The following ZHX3 variants were observed in gnomAD, a reference collection of about 807,000 sequenced individuals.
ZHX3 encodes the protein zinc fingers and homeoboxes 3.
In ZHX3, 20 loss-of-function variants were observed where a neutral mutation model predicts 64.5. The observed-to-expected ratio is 0.31, with a 90% CI of 0.22 to 0.45. The LOEUF is 0.45. Among genes scored for constraint, ZHX3 ranks in the 20% least tolerant of loss-of-function variants. The pLI is 1.00. For synonymous variants in ZHX3, 423 were observed against 461.6 expected (o/e 0.92, Z 1.07); for missense variants, 1,041 against 1,195.8 (o/e 0.87, Z 1.91).
chr20:41,190,279 A>C (rs1409828692), intron 3 of ZHX3, among the ~76,000 whole-genome samples: 3 of 152,288 alleles, frequency 2.0e-5, no homozygotes, highest in Admixed American at 2.0e-4. Context: ...GGTTCAAGCA[A>C]TTCTCCTGCC....
At chr20:41,308,958 C>T (rs1452882193) in intron 1 of ZHX3, among the ~76,000 whole-genome samples, 7 of 152,310 alleles carry the variant, frequency 4.6e-5, no homozygotes, top group South Asian at 2.1e-4. Flanking sequence ...CAACTTCCTT[C>T]TCAGCCTTTC....
Position 41,255,592 on chromosome 20 carries a change from A to T in ZHX3, c.-151+13398T>A, listed in dbSNP as rs894460107. On this transcript the variant is annotated intron_variant, in intron 2 of 3. Coordinates refer to ENST00000683867, the MANE Select transcript of ZHX3 (RefSeq NM_001384317.1). ...ATCCACTGCACTCTTTATATAGAGAAACAAAGAATTCATAACCATAACCAT... is the reference window on the plus strand; with the variant it reads ...ATCCACTGCACTCTTTATATAGAGATACAAAGAATTCATAACCATAACCAT... 3.9e-5 allele frequency among the ~76,000 whole-genome samples: 6 copies of T among 152,192 alleles called. No individual in the cohort carries two copies. The East Asian group carries it at 7.7e-4, about 19-fold the overall frequency.
intron 1 of ZHX3, among the ~76,000 whole-genome samples, chr20:41,310,671 G>A (rs894828189): frequency 6.8e-6 from 1 of 147,882 alleles, no homozygotes; most frequent in Non-Finnish European, 1.5e-5. Flanking sequence ...TTCTAAAGAT[G>A]GGGAAGAGGT....
intron 2 of ZHX3, among the ~76,000 whole-genome samples, chr20:41,244,844 C>CT (rs2041596306): frequency 6.6e-6 from 1 of 152,106 alleles, no homozygotes; most frequent in Admixed American, 6.5e-5. Context: ...CCATCCTTAC[C>CT]TTCTCGGCCA....
chr20:41,297,785 A>G (rs2044608496), intron 1 of ZHX3, among the ~76,000 whole-genome samples: 1 of 152,184 alleles, frequency 6.6e-6, no homozygotes, highest in African/African-American at 2.4e-5. Flanking sequence ...CAACGGCCAT[A>G]TTTTCTCCCA....
At chr20:41,277,667 C>T (rs1481426977) in intron 1 of ZHX3, among the ~76,000 whole-genome samples, 1 of 150,922 alleles carries the variant, frequency 6.6e-6, no homozygotes, top group East Asian at 2.0e-4. Context: ...TCTCCGCTCA[C>T]TGCAAGCTCC....
chr20:41,217,795 G>A (rs981556861), intron 2 of ZHX3, among the ~76,000 whole-genome samples: 6 of 152,196 alleles, frequency 3.9e-5, no homozygotes, highest in Non-Finnish European at 7.3e-5. Context: ...CAAGAAAGGG[G>A]AGGTGATATG....
intron 2 of ZHX3, among the ~76,000 whole-genome samples, chr20:41,263,457 T>G (rs1206578664): frequency 6.6e-6 from 1 of 151,132 alleles, no homozygotes; most frequent in Non-Finnish European, 1.5e-5. Context: ...TGCAGTGGCG[T>G]GATCTCGGCT....
At chr20:41,264,797 T>C (rs1027470213) in intron 2 of ZHX3, among the ~76,000 whole-genome samples, 1 of 152,172 alleles carries the variant, frequency 6.6e-6, no homozygotes, top group South Asian at 2.1e-4. Flanking sequence ...TTTAAAAGAA[T>C]AGTAAATAGA....
chr20:41,274,270 G>A (rs1412652116), intron 1 of ZHX3, among the ~76,000 whole-genome samples: 3 of 152,196 alleles, frequency 2.0e-5, no homozygotes, highest in Non-Finnish European at 2.9e-5. Flanking sequence ...GAGGAACAGA[G>A]ATGCACGAAG....
intron 2 of ZHX3, among the ~76,000 whole-genome samples, chr20:41,231,999 C>A (rs979107179): frequency 1.3e-5 from 2 of 152,126 alleles, no homozygotes; most frequent in African/African-American, 4.8e-5. Context: ...GTTAAAACAA[C>A]CACATTCCGT....
In ZHX3 at chr20:41,228,734, GA is replaced by G. The variant is rs1246608000; in HGVS notation, c.-150-23669del. Among the ~76,000 whole-genome samples, 1 of 152,164 alleles carries G rather than the reference GA, an allele frequency of 6.6e-6. No individual in the cohort carries two copies. The highest frequency in any genetic ancestry group is 1.5e-5 in the Non-Finnish European group (1 of 68,028). On this transcript the variant is annotated intron_variant, in intron 2 of 3. Transcript: ENST00000683867. The surrounding 1 kb of genome is among the most constrained non-coding windows in gnomAD (Gnocchi z 4.6). ...AAATTTCAACACGTGAATTTTAGGA[GA>G]TACATTCAGTCCACTGCACCATACA...
chr20:41,302,059 A>G (rs1206597833), intron 1 of ZHX3, among the ~76,000 whole-genome samples: 3 of 86,804 alleles, frequency 3.5e-5, no homozygotes, highest in Non-Finnish European at 7.4e-5. Flanking sequence ...ATCTCAAAAA[A>G]AAAAAAAAAA....
At chr20:41,254,854 G>A (rs1199406733) in intron 2 of ZHX3, among the ~76,000 whole-genome samples, 1 of 152,108 alleles carries the variant, frequency 6.6e-6, no homozygotes, top group Non-Finnish European at 1.5e-5. Context: ...TAACGCAGGA[G>A]ACAAGAAAGC....
chr20:41,281,858 T>A (rs1442716303), intron 1 of ZHX3, among the ~76,000 whole-genome samples: 1 of 152,170 alleles, frequency 6.6e-6, no homozygotes, highest in East Asian at 1.9e-4. Context: ...TCCAAAAAGA[T>A]CACTTTGGCT....
intron 2 of ZHX3, among the ~76,000 whole-genome samples, chr20:41,249,176 T>C (rs2041865405): frequency 6.6e-6 from 1 of 152,164 alleles, no homozygotes; most frequent in South Asian, 2.1e-4. Context: ...AAAAACTTTC[T>C]TCACACTAAT....
At chr20:41,316,253 T>C (rs921553970) in intron 1 of ZHX3, among the ~76,000 whole-genome samples, 1 of 152,192 alleles carries the variant, frequency 6.6e-6, no homozygotes, top group Non-Finnish European at 1.5e-5. Context: ...AAGGGCCCTT[T>C]TCATTCATTT....
At position 41,219,017 on chromosome 20, in the gene ZHX3, C is replaced by T. The variant is rs2039755829; in HGVS notation, c.-150-13951G>A. On this transcript the variant is annotated intron_variant, in intron 2 of 3. Transcript: ENST00000683867. This position sits in a 1 kb window ranked among gnomAD's most constrained non-coding sequence, Gnocchi z 5.0. ...CGATCTCGGCTCACTGCAAGCTCCA[C>T]CTCCCGGGTTCACGCCACTCTCCTG... Among the ~76,000 whole-genome samples the T allele has an allele frequency of 6.6e-6, 1 of 151,144 alleles. No individual in the cohort carries two copies. Among genetic ancestry groups the T allele is most frequent in the Non-Finnish European group, 1.5e-5 (1 of 67,832 alleles).
intron 2 of ZHX3, among the ~76,000 whole-genome samples, chr20:41,218,372 A>T (rs1375755346): frequency 6.6e-6 from 1 of 151,678 alleles, no homozygotes; most frequent in African/African-American, 2.4e-5. Flanking sequence ...TAAGCCTGGG[A>T]GGTCGTAGCT....
Sources: allele counts gnomAD v4.1 joint callset (sites outside exome capture counted in the v4.1 genomes callset), GRCh38; gene constraint gnomAD v4.1.1; non-coding constraint Gnocchi (gnomAD v3.1); transcripts MANE v1.5; gene names NCBI Gene and HGNC (gene_info 2026-07-23, HGNC 2026-07-21).